Variants in PKHD1 observed in about 807,000 individuals in gnomAD.
The protein encoded by PKHD1 is fibrocystin.
A neutral mutation model predicts 412.0 loss-of-function variants in PKHD1; 291 were observed. The ratio of observed to expected loss-of-function variants is 0.71; its 90% confidence interval spans 0.64 to 0.78. The LOEUF (loss-of-function observed/expected upper bound fraction) is 0.78. Among genes scored for constraint, PKHD1 ranks in the 30% least tolerant of loss-of-function variants. The pLI, the probability that PKHD1 is intolerant of heterozygous loss-of-function variation, is 0.00. For synonymous variants in PKHD1, 1,777 were observed against 1,821.5 expected (o/e 0.98, Z 0.62); for missense variants, 4,825 against 4,950.7 (o/e 0.97, Z 0.76).
intron 60 of PKHD1, among the ~76,000 whole-genome samples, chr6:51,738,175 C>G (rs1356392487): frequency 1.3e-5 from 2 of 152,328 alleles, no homozygotes; most frequent in African/African-American, 2.4e-5. Context: ...TCCACCTGCA[C>G]AGCTTCCTGG....
At chr6:51,751,816 T>G (rs1786161812) in intron 57 of PKHD1, among the ~76,000 whole-genome samples, 1 of 152,200 alleles carries the variant, frequency 6.6e-6, no homozygotes, top group Non-Finnish European at 1.5e-5. Flanking sequence ...TTTCCTGTAA[T>G]AGGAATATAA....
At position 51,712,258 on chromosome 6, in the gene PKHD1, C is replaced by T. The variant is rs79247693; in HGVS notation, c.10156+32127G>A. On this transcript the variant is annotated intron_variant, in intron 60 of 66. Coordinates refer to ENST00000371117, the MANE Select transcript of PKHD1 (RefSeq NM_138694.4). ...CTGAACCGTAACCACATAGCTTCTT[C>T]CTTTTCTTCTTGGTAAGAGCCTTAT... 1.7e-3 allele frequency among the ~76,000 whole-genome samples: 262 copies of T among 152,204 alleles called. 2 individuals carry two copies. Among genetic ancestry groups the T allele is most frequent in the African/African-American group, 6.0e-3 (250 of 41,536 alleles).
At chr6:51,916,194 A>G (rs1392158339) in intron 37 of PKHD1, among the ~76,000 whole-genome samples, 4 of 152,170 alleles carry the variant, frequency 2.6e-5, no homozygotes, top group East Asian at 1.9e-4. Context: ...TTCAATTCAT[A>G]GTGGTTTAAA....
At chr6:51,866,379 T>G (rs1266212536) in intron 48 of PKHD1, among the ~76,000 whole-genome samples, 2 of 152,200 alleles carry the variant, frequency 1.3e-5, no homozygotes, top group Non-Finnish European at 2.9e-5. Flanking sequence ...CTAGACCCTT[T>G]TGAATCTACT....
chr6:51,619,124 C>G lies in PKHD1; in HGVS notation c.12182G>C (p.Cys4061Ser). The part of the protein sequence containing the change: ...KASCGATEAF[C>S]LHSVHPETIQ... ...AGTTTCCGGGTGTACTGAATGAAGG[C>G]AGAATGCCTCAGTGGCCCCGCAGGA... The change falls in exon 67 of 67, where the codon TGC (cysteine) becomes TCC (serine). Residue 4061 changes from cysteine to serine, a missense_variant. Transcript: ENST00000371117. 1 of 1,614,256 alleles carries G rather than the reference C, an allele frequency of 6.2e-7. No individual in the cohort carries two copies. Among genetic ancestry groups the G allele is most frequent in the Non-Finnish European group, 8.5e-7 (1 of 1,180,030 alleles).
chr6:51,686,596 A>T (rs1777473203), intron 60 of PKHD1, among the ~76,000 whole-genome samples: 2 of 152,164 alleles, frequency 1.3e-5, no homozygotes, highest in African/African-American at 4.8e-5. Context: ...TTATAACTTT[A>T]TAATCTACTA....
At chr6:51,811,051 T>G (rs947053603) in intron 52 of PKHD1, among the ~76,000 whole-genome samples, 1 of 152,176 alleles carries the variant, frequency 6.6e-6, no homozygotes, top group Non-Finnish European at 1.5e-5. Flanking sequence ...TAGCCTTTAA[T>G]TTTCTTCTTT....
In PKHD1 at chr6:52,058,421, G is replaced by A. The variant is rs1200570964; in HGVS notation, c.1414C>T (p.Gln472Ter). ...GGATTCAGCCAGGTGTTGTGAATCTGGACACCAATCCTCATCCCCCTGCTT... is the reference window on the plus strand; with the variant it reads ...GGATTCAGCCAGGTGTTGTGAATCTAGACACCAATCCTCATCCCCCTGCTT... Reference protein sequence around the residue: ...APSRGMRIGVQIHNTWLNPDV... With the variant: ...APSRGMRIGV The change falls in exon 16 of 67, where the codon CAG becomes TAG. Residue 472 changes from glutamine to a stop codon, truncating the protein, a stop_gained. Coordinates refer to ENST00000371117, the MANE Select transcript of PKHD1 (RefSeq NM_138694.4). LOFTEE classifies it high-confidence loss of function. 1 of 1,614,138 alleles carries A rather than the reference G, an allele frequency of 6.2e-7. No homozygotes were observed. The highest frequency in any genetic ancestry group is 1.7e-5 in the Admixed American group (1 of 60,014).
chr6:52,011,960 T>C (rs1799887930), intron 34 of PKHD1, among the ~76,000 whole-genome samples: 1 of 152,228 alleles, frequency 6.6e-6, no homozygotes, highest in East Asian at 1.9e-4. Context: ...AAGGCCACCG[T>C]GCTTATACTT....
chr6:51,796,729 G>A (rs1289046922), intron 52 of PKHD1, among the ~76,000 whole-genome samples: 1 of 151,506 alleles, frequency 6.6e-6, no homozygotes, highest in Non-Finnish European at 1.5e-5. Context: ...ATAACTCTTT[G>A]ATTTCTGCCT....
At chr6:52,030,607 C>T (rs1014916897) in intron 29 of PKHD1, among the ~76,000 whole-genome samples, 2 of 151,684 alleles carry the variant, frequency 1.3e-5, no homozygotes, top group Non-Finnish European at 2.9e-5. Context: ...GGAAGTCTCC[C>T]AGCATGAGAC....
At chr6:51,620,781 T>C (rs1274631611) in intron 66 of PKHD1, among the ~76,000 whole-genome samples, 1 of 144,586 alleles carries the variant, frequency 6.9e-6, no homozygotes, top group Non-Finnish European at 1.5e-5. Flanking sequence ...AATAACATTA[T>C]ATATACATAT....
chr6:51,896,921 A>T (rs921431874), intron 43 of PKHD1, among the ~76,000 whole-genome samples: 1 of 152,196 alleles, frequency 6.6e-6, no homozygotes, highest in Admixed American at 6.5e-5. Context: ...CAGCGATGGA[A>T]GATGAAGTGA....
chr6:52,032,993 T>C, intron 29 of PKHD1, 37 bp downstream of exon 29: 1 of 1,581,216 alleles, frequency 6.3e-7, no homozygotes, highest in Non-Finnish European at 8.7e-7. Context: ...ACCAATGCTC[T>C]AAGAAGAAAA....
intron 11 of PKHD1, among the ~76,000 whole-genome samples, chr6:52,067,810 A>C (rs957592351): frequency 2.6e-5 from 4 of 152,182 alleles, no homozygotes; most frequent in Non-Finnish European, 5.9e-5. Context: ...GGAGGTCAGA[A>C]GTTTGCCCCA....
At chr6:51,919,402 T>C (rs1310357345) in intron 37 of PKHD1, among the ~76,000 whole-genome samples, 1 of 152,242 alleles carries the variant, frequency 6.6e-6, no homozygotes, top group Non-Finnish European at 1.5e-5. Flanking sequence ...TCCCCATTGC[T>C]TGTTTCTGTC....
At chr6:51,740,513 A>G (rs1278766245) in intron 60 of PKHD1, among the ~76,000 whole-genome samples, 1 of 152,232 alleles carries the variant, frequency 6.6e-6, no homozygotes, top group Non-Finnish European at 1.5e-5. Context: ...TTTGGAATAA[A>G]TATAAAATTC....
intron 36 of PKHD1, among the ~76,000 whole-genome samples, chr6:51,950,261 G>C (rs1318539620): frequency 7.4e-6 from 1 of 134,342 alleles, no homozygotes; most frequent in Non-Finnish European, 1.6e-5. Context: ...CACTGACTCA[G>C]AGCTGCAAAC....
chr6:51,691,375 A>G (rs181398992), intron 60 of PKHD1, among the ~76,000 whole-genome samples: 2 of 152,306 alleles, frequency 1.3e-5, no homozygotes, highest in Admixed American at 6.5e-5. Flanking sequence ...TTGCAGCACT[A>G]TTCACAGTAG....
Sources: gnomAD v4.1 joint callset for allele counts (sites outside exome capture counted in the v4.1 genomes callset) on GRCh38, gnomAD v4.1.1 for gene constraint, MANE v1.5 for transcripts, NCBI Gene and HGNC (gene_info 2026-07-23, HGNC 2026-07-21) for gene names.